Variants in FBLN7 observed in about 807,000 individuals in gnomAD.
FBLN7 encodes the protein fibulin-7.
Under a neutral mutation model 44.0 loss-of-function variants are expected in FBLN7, and 31 were observed. That is an observed-to-expected ratio of 0.70 (90% CI 0.53 to 0.95). The LOEUF (loss-of-function observed/expected upper bound fraction) is 0.95. FBLN7 is among the 40% of genes least tolerant of loss of function. The pLI is 0.00. For synonymous variants in FBLN7, 262 were observed against 253.4 expected, an observed-to-expected ratio of 1.03 and a Z score of -0.32; for missense variants, 573 against 618.5, an observed-to-expected ratio of 0.93 and a Z score of 0.78.
At chr2:112,165,288 C>T (rs1372921158) in intron 3 of FBLN7, 117 bp downstream of exon 3, 1 of 1,307,850 alleles carries the variant, frequency 7.6e-7, no homozygotes, top group Non-Finnish European at 1.0e-6. Context: ...AATCATTCCT[C>T]AACCACAGAA....
At chr2:112,236,307 T>C in the FBLN7 span, among the ~76,000 whole-genome samples, 1 of 152,112 alleles carries the variant, frequency 6.6e-6, no homozygotes, top group Non-Finnish European at 1.5e-5. Flanking sequence ...TGTGTGCATA[T>C]ATTCAGGAAC....
intron 2 of FBLN7, among the ~76,000 whole-genome samples, chr2:112,160,852 A>ACACACACACGCGCACACGCACG (rs1681829478): frequency 6.9e-6 from 1 of 145,142 alleles, no homozygotes; most frequent in Non-Finnish European, 1.5e-5. Flanking sequence ...ACACGCGCAC[A>ACACACACACGCGCACACGCACG]CACACACACA....
the FBLN7 span, among the ~76,000 whole-genome samples, chr2:112,230,310 T>C: frequency 6.6e-6 from 1 of 152,168 alleles, no homozygotes; most frequent in East Asian, 1.9e-4. Context: ...AAACTGATAT[T>C]ATATTAAATT....
intron 5 of FBLN7, 190 bp downstream of exon 5, chr2:112,182,066 T>C (rs1228558371): frequency 2.8e-6 from 2 of 722,800 alleles, no homozygotes. Context: ...TTCACAGAAA[T>C]CAGAGCTCGC....
chr2:112,223,895 C>A, the FBLN7 span, among the ~76,000 whole-genome samples: 1 of 152,184 alleles, frequency 6.6e-6, no homozygotes, highest in African/African-American at 2.4e-5. Flanking sequence ...GTAATCCCAG[C>A]ACTTTGGGAG....
chr2:112,157,314 G>A (rs1006092373), intron 1 of FBLN7, among the ~76,000 whole-genome samples: 5 of 152,254 alleles, frequency 3.3e-5, no homozygotes, highest in Admixed American at 6.5e-5. Context: ...AGGTTGCAGC[G>A]AGTTGAGATT....
At chr2:112,210,447 G>T in the FBLN7 span, among the ~76,000 whole-genome samples, 54 of 152,006 alleles carry the variant, frequency 3.6e-4, no homozygotes, top group Non-Finnish European at 7.5e-4. Flanking sequence ...CCTGAGCTCA[G>T]GAGTTCGAGA....
chr2:112,140,813 CT>C lies in FBLN7; in HGVS notation c.75+2085del. The stretch of plus-strand genomic sequence containing the variant: ...GCCCGGGAGGTTTCCGAAGCGGTCC[CT>C]TCCCGAGCCGGCGAGGCCCTGGATG... On this transcript the variant is annotated intron_variant, in intron 1 of 7. Coordinates refer to ENST00000331203, the MANE Select transcript of FBLN7 (RefSeq NM_153214.3). 2.0e-5 allele frequency among the ~76,000 whole-genome samples: 3 copies of C among 152,336 alleles called. No homozygotes were observed. In the Middle Eastern group the frequency reaches 0.01, roughly 518 times the overall value.
At chr2:112,158,174 G>C (rs1022486255) in intron 1 of FBLN7, among the ~76,000 whole-genome samples, 1 of 152,170 alleles carries the variant, frequency 6.6e-6, no homozygotes, top group Non-Finnish European at 1.5e-5. Context: ...TGGGATTACA[G>C]GCGTGAGCCA....
At chr2:112,152,353 CCT>C (rs1681202528) in intron 1 of FBLN7, 1 of 152,286 alleles carries the variant, frequency 6.6e-6, no homozygotes, top group African/African-American at 2.4e-5. Flanking sequence ...TGTCATCGCT[CCT>C]GTGGCTGTTT....
chr2:112,141,271 T>C (rs10202871), intron 1 of FBLN7, among the ~76,000 whole-genome samples: 7,355 of 152,250 alleles, frequency 0.048, 206 homozygotes, highest in African/African-American at 0.085. Flanking sequence ...GAGGATGAGA[T>C]GTATTCAAGG....
chr2:112,211,434 G>A, the FBLN7 span: 3 of 152,178 alleles, frequency 2.0e-5, no homozygotes, highest in African/African-American at 7.2e-5. Context: ...CCTACAGAAA[G>A]GAGAGGGGGC....
the FBLN7 span, among the ~76,000 whole-genome samples, chr2:112,240,745 A>G: frequency 2.0e-5 from 3 of 152,232 alleles, 1 homozygote; most frequent in South Asian, 6.2e-4. Flanking sequence ...AAATATATAA[A>G]ATACAAATAA....
At chr2:112,202,724 C>T in the FBLN7 span, among the ~76,000 whole-genome samples, 1 of 152,150 alleles carries the variant, frequency 6.6e-6, no homozygotes, top group South Asian at 2.1e-4. Flanking sequence ...TGTCATTCTC[C>T]TCTCCCCAGC....
At chr2:112,143,717 A>G (rs1181418798) in intron 1 of FBLN7, among the ~76,000 whole-genome samples, 1 of 151,874 alleles carries the variant, frequency 6.6e-6, no homozygotes, top group African/African-American at 2.4e-5. Context: ...TATCGTTACA[A>G]TTTTGTCTTC....
the FBLN7 span, chr2:112,233,228 A>T: frequency 7.2e-7 from 1 of 1,383,738 alleles, no homozygotes; most frequent in East Asian, 2.4e-5. Flanking sequence ...GTAAATATTT[A>T]TAAAGTCACC....
intron 3 of FBLN7, 74 bp downstream of exon 3, chr2:112,165,245 T>C: frequency 1.3e-6 from 2 of 1,521,932 alleles, no homozygotes; most frequent in African/African-American, 1.4e-5. Context: ...ATAGAAAGGG[T>C]CATTCCTTGG....
In FBLN7 at chr2:112,170,424, G is replaced by A. The variant is rs113822613; in HGVS notation, c.406+5253G>A. 5.0e-3 allele frequency among the ~76,000 whole-genome samples: 752 copies of A among 151,872 alleles called. 8 individuals are homozygous for A. Among genetic ancestry groups the A allele is most frequent in the Middle Eastern group, 0.02 (6 of 294 alleles). Reference sequence around the variant, plus strand: ...CGCCTGTAATCCCAGCTACTCTGGAGGCTGAGCTGGGAGAATCACTTGAAC... The same window carrying A: ...CGCCTGTAATCCCAGCTACTCTGGAAGCTGAGCTGGGAGAATCACTTGAAC... On this transcript the variant is annotated intron_variant, in intron 3 of 7. Coordinates refer to ENST00000331203, the MANE Select transcript of FBLN7 (RefSeq NM_153214.3).
Position 112,185,289 on chromosome 2 carries a change from T to C in FBLN7, c.897T>C (p.Pro299=). The C allele has an allele frequency of 6.2e-7, 1 of 1,613,924 alleles. No homozygotes were observed. Among genetic ancestry groups the C allele is most frequent in the South Asian group, 1.1e-5 (1 of 91,078 alleles). ...GTGGAAGCTTCCAGTGTGTCAGCCCTGAGTGCCCCGAGGGCAGCGGCAATG... is the reference window on the plus strand; with the variant it reads ...GTGGAAGCTTCCAGTGTGTCAGCCCCGAGTGCCCCGAGGGCAGCGGCAATG... ...NTGGSFQCVS[P]ECPEGSGNVS... is the part of the protein sequence containing the mutation. The change falls in exon 7 of 8, where the codon CCT becomes CCC. Residue 299 remains proline, a synonymous_variant. Transcript: ENST00000331203.
Sources: allele counts gnomAD v4.1 joint callset (sites outside exome capture counted in the v4.1 genomes callset), GRCh38; gene constraint gnomAD v4.1.1; transcripts MANE v1.5; gene names NCBI Gene and HGNC (gene_info 2026-07-23, HGNC 2026-07-21).